PRKN: variants seen among roughly 807,000 people sequenced by gnomAD.
PRKN encodes parkin RBR E3 ubiquitin protein ligase.
Under a neutral mutation model 59.5 loss-of-function variants are expected in PRKN, and 56 were observed. That is an observed-to-expected ratio of 0.94 (90% CI 0.76 to 1.18). PRKN has a LOEUF of 1.18. PRKN is among the 50% of genes most tolerant of loss of function. The probability of loss-of-function intolerance (pLI) is 0.00; values close to 1 mark genes in which losing one functional copy is unlikely to be tolerated. For missense variants in PRKN, 657 were observed against 596.4 expected, an observed-to-expected ratio of 1.10 and a Z score of -1.06; for synonymous variants, 250 against 222.1, an observed-to-expected ratio of 1.13 and a Z score of -1.12.
intron 6 of PRKN, among the ~76,000 whole-genome samples, chr6:161,949,620 C>A (rs1306560750): frequency 1.3e-5 from 2 of 152,200 alleles, no homozygotes; most frequent in East Asian, 1.9e-4. Flanking sequence ...CCCCCAAATT[C>A]TTTGTCTACT....
intron 1 of PRKN, among the ~76,000 whole-genome samples, chr6:162,447,608 G>A (rs56140904): frequency 0.09 from 13,637 of 152,210 alleles, 687 homozygotes; most frequent in African/African-American, 0.14. Flanking sequence ...AAGTGAATGG[G>A]TGGGAAGAGG....
At chr6:162,371,768 GC>G (rs1297126809) in intron 2 of PRKN, among the ~76,000 whole-genome samples, 7 of 152,118 alleles carry the variant, frequency 4.6e-5, no homozygotes, top group African/African-American at 1.7e-4. Context: ...GTTCTGTGAT[GC>G]CAACAAATTG....
At chr6:161,879,506 C>T (rs1355382037) in intron 6 of PRKN, among the ~76,000 whole-genome samples, 1 of 152,038 alleles carries the variant, frequency 6.6e-6, no homozygotes, top group Non-Finnish European at 1.5e-5. Flanking sequence ...AGCCACCACA[C>T]CAGCTAACTT....
intron 2 of PRKN, among the ~76,000 whole-genome samples, chr6:162,437,184 A>C (rs1161961021): frequency 6.6e-6 from 1 of 152,204 alleles, no homozygotes; most frequent in African/African-American, 2.4e-5. Flanking sequence ...TAGTATGAAC[A>C]AGTCTTTAAA....
At chr6:162,081,236 T>C (rs1235027701) in intron 4 of PRKN, among the ~76,000 whole-genome samples, 1 of 152,090 alleles carries the variant, frequency 6.6e-6, no homozygotes, top group Non-Finnish European at 1.5e-5. Context: ...GCATCTAGAA[T>C]GGTGAATCGT....
chr6:162,092,548 T>C lies in PRKN; in HGVS notation c.535-38374A>G, dbSNP rs185640128. 2.6e-3 allele frequency among the ~76,000 whole-genome samples: 394 copies of C among 152,326 alleles called. 2 individuals carry two copies. Among genetic ancestry groups the C allele is most frequent in the African/African-American group, 9.0e-3 (375 of 41,572 alleles). ...TGCATGCATTATTATGTTGGTCTTA[T>C]GATACTACCTAGTAAATAAATATAC... On this transcript the variant is annotated intron_variant, in intron 4 of 11. Coordinates refer to ENST00000366898, the MANE Select transcript of PRKN (RefSeq NM_004562.3).
intron 5 of PRKN, among the ~76,000 whole-genome samples, chr6:162,026,374 C>T (rs544656289): frequency 9.2e-5 from 14 of 152,214 alleles, no homozygotes; most frequent in Non-Finnish European, 1.8e-4. Context: ...CACTCCAGCT[C>T]TACGTCAACT....
At position 161,378,810 on chromosome 6, in the gene PRKN, G is replaced by C. The variant is rs1490234934; in HGVS notation, c.1167+7984C>G. ...CTGAATCAACAACTACCATGGTGCA[G>C]GGTGTGTCTCCAGCAGGTAGAACGC... On this transcript the variant is annotated intron_variant, in intron 10 of 11. Transcript: ENST00000366898. The surrounding 1 kb of genome is among the most constrained non-coding windows in gnomAD (Gnocchi z 7.3). Among the ~76,000 whole-genome samples, 2 of 152,188 alleles carry C rather than the reference G, an allele frequency of 1.3e-5. No homozygotes were observed. Among genetic ancestry groups the C allele is most frequent in the Admixed American group, 1.3e-4 (2 of 15,284 alleles).
intron 4 of PRKN, among the ~76,000 whole-genome samples, chr6:162,135,773 C>T (rs1002229848): frequency 3.3e-5 from 5 of 151,992 alleles, no homozygotes; most frequent in Non-Finnish European, 7.4e-5. Flanking sequence ...AGGGGAGGGG[C>T]CATTTTCAGT....
At chr6:162,324,323 T>C (rs1437363236) in intron 2 of PRKN, among the ~76,000 whole-genome samples, 1 of 151,812 alleles carries the variant, frequency 6.6e-6, no homozygotes, top group African/African-American at 2.4e-5. Flanking sequence ...GAGAACTTCT[T>C]GGGGAATTTC....
At chr6:161,848,599 C>T (rs555485165) in intron 6 of PRKN, among the ~76,000 whole-genome samples, 5 of 152,280 alleles carry the variant, frequency 3.3e-5, no homozygotes, top group South Asian at 2.1e-4. Flanking sequence ...GTATGTCTTA[C>T]ATCTAATGCG....
At chr6:162,643,768 T>G (rs184480719) in intron 1 of PRKN, 1 of 152,212 alleles carries the variant, frequency 6.6e-6, no homozygotes, top group Non-Finnish European at 1.5e-5. Context: ...TTTTATCCAG[T>G]GTTTTGCTGA....
intron 9 of PRKN, among the ~76,000 whole-genome samples, chr6:161,420,024 G>A (rs748728125): frequency 5.3e-5 from 8 of 151,922 alleles, no homozygotes; most frequent in Non-Finnish European, 1.0e-4. Flanking sequence ...GGATCACGAG[G>A]TCAAGAGATC....
chr6:161,900,387 G>A (rs1583318795), intron 6 of PRKN, among the ~76,000 whole-genome samples: 1 of 147,660 alleles, frequency 6.8e-6, no homozygotes, highest in East Asian at 2.0e-4. Flanking sequence ...GGATGCTGCT[G>A]CCACTGAGTG....
intron 4 of PRKN, among the ~76,000 whole-genome samples, chr6:162,138,150 A>C (rs1040389253): frequency 6.6e-6 from 1 of 152,176 alleles, no homozygotes; most frequent in Non-Finnish European, 1.5e-5. Flanking sequence ...AAATTTGCGG[A>C]TAGACTACCT....
chr6:162,384,995 T>C (rs577519896), intron 2 of PRKN, among the ~76,000 whole-genome samples: 4 of 152,198 alleles, frequency 2.6e-5, no homozygotes, highest in Non-Finnish European at 5.9e-5. Flanking sequence ...TATATCACAG[T>C]AAAGTCATGA....
intron 7 of PRKN, among the ~76,000 whole-genome samples, chr6:161,670,540 G>A (rs1262553916): frequency 1.3e-5 from 2 of 152,186 alleles, no homozygotes; most frequent in Non-Finnish European, 2.9e-5. Flanking sequence ...GTCAAGCTGG[G>A]CGCAGTGGCT....
At chr6:161,640,483 T>G (rs1783699183) in intron 7 of PRKN, among the ~76,000 whole-genome samples, 1 of 152,208 alleles carries the variant, frequency 6.6e-6, no homozygotes, top group South Asian at 2.1e-4. Context: ...TAGTGTCAAT[T>G]AGTCTCAACT....
At chr6:162,008,721 CTTA>C (rs1200779638) in intron 5 of PRKN, among the ~76,000 whole-genome samples, 1 of 152,066 alleles carries the variant, frequency 6.6e-6, no homozygotes, top group African/African-American at 2.4e-5. Flanking sequence ...ATCCTGAGAA[CTTA>C]TTATATGAGA....
Sources: allele counts gnomAD v4.1 joint callset (sites outside exome capture counted in the v4.1 genomes callset), GRCh38; gene constraint gnomAD v4.1.1; non-coding constraint Gnocchi (gnomAD v3.1); transcripts MANE v1.5; gene names NCBI Gene and HGNC (gene_info 2026-07-23, HGNC 2026-07-21).